Variants in MRPS28 observed in about 807,000 individuals in gnomAD.
MRPS28 encodes mitochondrial ribosomal protein S28, also known as small ribosomal subunit protein bS1m.
In MRPS28, 7 loss-of-function variants were observed where a neutral mutation model predicts 10.8. That is an observed-to-expected ratio of 0.65 (90% CI 0.37 to 1.22). The LOEUF (loss-of-function observed/expected upper bound fraction) is 1.22, where lower values mean the gene tolerates loss of function less well. Ranked by LOEUF, MRPS28 falls within the 50% of genes most tolerant of loss-of-function variation. MRPS28 has a pLI of 0.02. For synonymous variants in MRPS28, 121 were observed against 93.3 expected, an observed-to-expected ratio of 1.30 and a Z score of -1.71; for missense variants, 265 against 232.9, an observed-to-expected ratio of 1.14 and a Z score of -0.90.
At chr8:79,933,806 T>G (rs753934238) in intron 2 of MRPS28, among the ~76,000 whole-genome samples, 9 of 152,142 alleles carry the variant, frequency 5.9e-5, no homozygotes, top group Non-Finnish European at 8.8e-5. Context: ...GACAAGAAAA[T>G]TCAGACCCAC....
At chr8:80,025,946 T>C (rs890503171) in intron 1 of MRPS28, among the ~76,000 whole-genome samples, 3 of 152,200 alleles carry the variant, frequency 2.0e-5, no homozygotes, top group African/African-American at 7.2e-5. Context: ...ACTTAGCTTA[T>C]ACTTACGTGT....
At chr8:80,004,934 G>A (rs192635423) in intron 1 of MRPS28, among the ~76,000 whole-genome samples, 64 of 152,292 alleles carry the variant, frequency 4.2e-4, no homozygotes, top group Non-Finnish European at 7.6e-4. Flanking sequence ...GAAGTTTAGA[G>A]GAAGAAAAGT....
chr8:79,992,693 T>C (rs1423626187), intron 2 of MRPS28, among the ~76,000 whole-genome samples: 4 of 152,200 alleles, frequency 2.6e-5, no homozygotes, highest in Non-Finnish European at 4.4e-5. Flanking sequence ...CACACACTTA[T>C]AGACACATAC....
At chr8:79,958,487 A>C in intron 2 of MRPS28, 1 of 598,602 alleles carries the variant, frequency 1.7e-6, no homozygotes, top group Non-Finnish European at 3.0e-6. Context: ...GCTATTTTAA[A>C]AATAATTTTT....
At chr8:80,003,339 C>A (rs1302747580) in intron 1 of MRPS28, among the ~76,000 whole-genome samples, 159 bp from the exon 2 acceptor site, 1 of 152,192 alleles carries the variant, frequency 6.6e-6, no homozygotes, top group Admixed American at 6.5e-5. Flanking sequence ...ACTTCCTCTT[C>A]CATCCTTTCC....
intron 2 of MRPS28, among the ~76,000 whole-genome samples, chr8:79,937,405 A>C (rs1251575258): frequency 6.6e-6 from 1 of 152,342 alleles, no homozygotes; most frequent in African/African-American, 2.4e-5. Flanking sequence ...GGGGGCAGAA[A>C]AATCTTAGAT....
At chr8:79,982,446 C>T (rs986450952) in intron 2 of MRPS28, among the ~76,000 whole-genome samples, 2 of 152,290 alleles carry the variant, frequency 1.3e-5, no homozygotes, top group South Asian at 4.1e-4. Context: ...GTGCGTGAGC[C>T]GAAGCAGGGC....
intron 2 of MRPS28, among the ~76,000 whole-genome samples, chr8:79,960,938 G>C (rs998244719): frequency 2.6e-5 from 4 of 152,004 alleles, no homozygotes; most frequent in African/African-American, 9.7e-5. Flanking sequence ...AGTGTCTCTG[G>C]GTTTCTTGCT....
chr8:79,926,549 G>T (rs1041119141), intron 2 of MRPS28, among the ~76,000 whole-genome samples: 6 of 152,102 alleles, frequency 3.9e-5, no homozygotes, highest in African/African-American at 1.2e-4. Context: ...GCAACCAAAA[G>T]GACAGTCACT....
intron 2 of MRPS28, among the ~76,000 whole-genome samples, chr8:79,973,467 A>G (rs1290098142): frequency 6.6e-6 from 1 of 152,150 alleles, no homozygotes; most frequent in Non-Finnish European, 1.5e-5. Flanking sequence ...AGCCTGGGCA[A>G]CATATGAAGA....
intron 2 of MRPS28, among the ~76,000 whole-genome samples, chr8:79,928,925 A>G (rs907260530): frequency 7.9e-5 from 12 of 152,160 alleles, no homozygotes; most frequent in Admixed American, 6.5e-4. Context: ...GCATGCCTGT[A>G]GTCCCAGCTA....
intron 1 of MRPS28, among the ~76,000 whole-genome samples, chr8:80,024,063 T>C (rs1031518988): frequency 6.6e-6 from 1 of 151,906 alleles, no homozygotes; most frequent in African/African-American, 2.4e-5. Context: ...ACCCCATCTC[T>C]ACAAAAAAAT....
intron 2 of MRPS28, chr8:79,957,496 G>A (rs1807251216): frequency 6.8e-6 from 1 of 147,366 alleles, no homozygotes; most frequent in Admixed American, 7.0e-5. Context: ...GTTCACTGGA[G>A]GCCATAAGTT....
chr8:79,934,777 A>G (rs977614655), intron 2 of MRPS28, among the ~76,000 whole-genome samples: 36 of 152,246 alleles, frequency 2.4e-4, no homozygotes, highest in African/African-American at 8.2e-4. Flanking sequence ...GTTTGTAACA[A>G]AACTTTATCT....
chr8:79,969,071 T>C (rs985558997), intron 2 of MRPS28, among the ~76,000 whole-genome samples: 28 of 152,214 alleles, frequency 1.8e-4, no homozygotes, highest in African/African-American at 6.8e-4. Context: ...TCCTTAAATA[T>C]TAGCTTCGTG....
chr8:80,020,223 C>T (rs1809317511), intron 1 of MRPS28, among the ~76,000 whole-genome samples: 1 of 152,106 alleles, frequency 6.6e-6, no homozygotes, highest in African/African-American at 2.4e-5. Context: ...GATGAAGCGT[C>T]CAGGTAGCAG....
At chr8:79,944,892 G>A (rs975663506) in intron 2 of MRPS28, among the ~76,000 whole-genome samples, 6 of 151,450 alleles carry the variant, frequency 4.0e-5, no homozygotes, top group East Asian at 1.9e-4. Flanking sequence ...ATGGGATCTC[G>A]CCATGTTGTC....
chr8:79,985,625 A>C (rs1482064536), intron 2 of MRPS28, among the ~76,000 whole-genome samples: 5 of 152,078 alleles, frequency 3.3e-5, no homozygotes, highest in African/African-American at 9.7e-5. Context: ...ATACAAACTA[A>C]CATCAGAGAA....
chr8:79,935,946 C>T lies in MRPS28; in HGVS notation c.396-16798G>A, dbSNP rs955538532. 3.3e-5 allele frequency among the ~76,000 whole-genome samples: 5 copies of T among 151,830 alleles called. No homozygotes were observed. The East Asian group carries it at 9.6e-4, about 29-fold the overall frequency. ...ATTATAAACATTCAACCTTAATCTG[C>T]TCCCTAGACAAAAGAAAAAAAATCC... is the stretch of plus-strand genomic sequence containing the variant. On this transcript the variant is annotated intron_variant, in intron 2 of 2. Coordinates refer to ENST00000276585, the MANE Select transcript of MRPS28 (RefSeq NM_014018.3).
Sources: gnomAD v4.1 joint callset for allele counts (sites outside exome capture counted in the v4.1 genomes callset) on GRCh38, gnomAD v4.1.1 for gene constraint, MANE v1.5 for transcripts, NCBI Gene and HGNC (gene_info 2026-07-23, HGNC 2026-07-21) for gene names.